The following ADAMTS20 variants were observed in gnomAD, a reference collection of about 807,000 sequenced individuals.
ADAMTS20 encodes ADAM metallopeptidase with thrombospondin type 1 motif 20.
A neutral mutation model predicts 260.1 loss-of-function variants in ADAMTS20; 225 were observed. The ratio of observed to expected loss-of-function variants is 0.87; its 90% CI spans 0.78 to 0.97. The LOEUF is 0.97. ADAMTS20 is among the 50% of genes least tolerant of loss of function. The pLI is 0.00. For missense variants in ADAMTS20, 2,400 were observed against 2,337.7 expected, an observed-to-expected ratio of 1.03 and a Z score of -0.55; for synonymous variants, 802 against 769.5, an observed-to-expected ratio of 1.04 and a Z score of -0.70.
At chr12:43,494,048 A>C (rs144954678) in intron 4 of ADAMTS20, among the ~76,000 whole-genome samples, 4 of 152,326 alleles carry the variant, frequency 2.6e-5, no homozygotes, top group Non-Finnish European at 4.4e-5. Flanking sequence ...TTGCCACTGC[A>C]GTAGGGGTGT....
chr12:43,535,886 G>A (rs1328273744), intron 2 of ADAMTS20, among the ~76,000 whole-genome samples: 1 of 152,010 alleles, frequency 6.6e-6, no homozygotes, highest in South Asian at 2.1e-4. Context: ...AGAAAGACTA[G>A]TGAAGGGAAA....
chr12:43,506,562 C>T (rs1432433799), intron 3 of ADAMTS20, among the ~76,000 whole-genome samples: 2 of 151,986 alleles, frequency 1.3e-5, no homozygotes, highest in Non-Finnish European at 2.9e-5. Flanking sequence ...TCACTGCAAC[C>T]TCCGCTTCTC....
downstream of ADAMTS20, among the ~76,000 whole-genome samples, chr12:43,353,648 A>G (rs1939681954): frequency 1.3e-5 from 2 of 152,206 alleles, no homozygotes; most frequent in East Asian, 1.9e-4. Context: ...TCCACAAGCA[A>G]AAATTAAAGA....
At chr12:43,549,594 T>C (rs1032598266) in intron 2 of ADAMTS20, among the ~76,000 whole-genome samples, 6 of 152,170 alleles carry the variant, frequency 3.9e-5, no homozygotes, top group South Asian at 2.1e-4. Flanking sequence ...GACAAATTTG[T>C]GGTAGCAAGT....
In ADAMTS20 at chr12:43,371,763, G is replaced by A. The variant is rs1995341; in HGVS notation, c.5447-2382C>T. Among the ~76,000 whole-genome samples the A allele has an allele frequency of 4.0e-3, 607 of 152,296 alleles. 26 individuals carry two copies. The East Asian group carries it at 0.096, about 24-fold the overall frequency. On this transcript the variant is annotated intron_variant, in intron 36 of 38. Coordinates refer to ENST00000389420, the MANE Select transcript of ADAMTS20 (RefSeq NM_025003.5). Reference sequence around the variant, plus strand: ...AGTGATCATGGGGCTCAGGGCAGCAGAAAACTGAGAGGGAATAGAGGTGGA... The same window carrying A: ...AGTGATCATGGGGCTCAGGGCAGCAAAAAACTGAGAGGGAATAGAGGTGGA...
intron 2 of ADAMTS20, among the ~76,000 whole-genome samples, chr12:43,541,292 C>T (rs1450523839): frequency 6.6e-6 from 1 of 152,112 alleles, no homozygotes; most frequent in African/African-American, 2.4e-5. Flanking sequence ...TACTCATAGA[C>T]TCTTATGTAA....
chr12:43,485,073 C>T (rs1261546171), intron 7 of ADAMTS20, among the ~76,000 whole-genome samples: 5 of 139,146 alleles, frequency 3.6e-5, no homozygotes, highest in Non-Finnish European at 7.6e-5. Flanking sequence ...TTCCCTGATA[C>T]CAGTCAAGAA....
chr12:43,427,106 G>A (rs1941347095), intron 27 of ADAMTS20, among the ~76,000 whole-genome samples: 1 of 152,114 alleles, frequency 6.6e-6, no homozygotes, highest in African/African-American at 2.4e-5. Context: ...CCAGGAGGTG[G>A]AGGTTGCAGT....
intron 3 of ADAMTS20, among the ~76,000 whole-genome samples, chr12:43,526,641 A>C (rs1001300369): frequency 6.6e-6 from 1 of 152,230 alleles, no homozygotes; most frequent in Non-Finnish European, 1.5e-5. Context: ...AAAATGAATG[A>C]TAATAGTGAC....
At chr12:43,408,920 C>T (rs1565684521) in intron 28 of ADAMTS20, among the ~76,000 whole-genome samples, 1 of 152,118 alleles carries the variant, frequency 6.6e-6, no homozygotes, top group East Asian at 1.9e-4. Context: ...ATAATAATAA[C>T]ACTTACATCT....
intron 2 of ADAMTS20, among the ~76,000 whole-genome samples, chr12:43,542,257 T>G (rs182283758): frequency 6.6e-6 from 1 of 152,188 alleles, no homozygotes; most frequent in East Asian, 1.9e-4. Context: ...ATGAGAAATT[T>G]AAAATAATAA....
At chr12:43,394,227 A>C (rs1339984946) in intron 29 of ADAMTS20, among the ~76,000 whole-genome samples, 1 of 152,106 alleles carries the variant, frequency 6.6e-6, no homozygotes, top group Non-Finnish European at 1.5e-5. Flanking sequence ...AGTTTAAATC[A>C]CTAATAAAAT....
Position 43,399,238 on chromosome 12 carries a change from A to G in ADAMTS20, c.4285-5T>C. ...TTTACCACAAGAAGCTGAGCACTAG[A>G]AAAGAAATATGAATGCACTTGATTC... On this transcript the variant is annotated splice_polypyrimidine_tract_variant and splice_region_variant and intron_variant, in intron 28 of 38. Coordinates refer to ENST00000389420, the MANE Select transcript of ADAMTS20 (RefSeq NM_025003.5). The G allele has an allele frequency of 6.7e-7, 1 of 1,500,286 alleles. No individual in the cohort carries two copies. Among genetic ancestry groups the G allele is most frequent in the Non-Finnish European group, 8.9e-7 (1 of 1,125,494 alleles). 92.9% of individuals were successfully genotyped at this position (1,500,286 alleles called of 1,614,324 possible).
chr12:43,383,526 CA>C, intron 31 of ADAMTS20, 31 bp downstream of exon 31: 1 of 1,564,786 alleles, frequency 6.4e-7, no homozygotes. Context: ...TATCAAGGAG[CA>C]AAAATTCTCA....
intron 29 of ADAMTS20, among the ~76,000 whole-genome samples, chr12:43,389,193 C>G (rs1159678056): frequency 1.3e-5 from 2 of 152,160 alleles, no homozygotes; most frequent in East Asian, 3.9e-4. Context: ...ACTCTCATCT[C>G]AGTATCATCT....
rs1271903176 is a variant in ADAMTS20, at chr12:43,430,507, T to C, written c.3262-36A>G. The C allele has an allele frequency of 4.4e-6, 7 of 1,578,834 alleles. No homozygotes were observed. In the Admixed American group the frequency reaches 1.2e-4, roughly 28 times the overall value. Reference sequence around the variant, plus strand: ...AATATAGATATTAAAAAAACATTGTTTCCCAAAAGTTACACAAACTTCTAT... The same window carrying C: ...AATATAGATATTAAAAAAACATTGTCTCCCAAAAGTTACACAAACTTCTAT... On this transcript the variant is annotated intron_variant, in intron 22 of 38. Coordinates refer to ENST00000389420, the MANE Select transcript of ADAMTS20 (RefSeq NM_025003.5).
intron 29 of ADAMTS20, among the ~76,000 whole-genome samples, chr12:43,387,043 G>T (rs1940494260): frequency 4.6e-5 from 7 of 152,210 alleles, no homozygotes; most frequent in Admixed American, 4.6e-4. Flanking sequence ...GCGAGGAGTT[G>T]TGATCCTCTG....
At chr12:43,475,586 T>C (rs1942338142) in intron 7 of ADAMTS20, among the ~76,000 whole-genome samples, 1 of 152,080 alleles carries the variant, frequency 6.6e-6, no homozygotes, top group African/African-American at 2.4e-5. Flanking sequence ...CTACCTGACT[T>C]CAAACCATAC....
Position 43,425,551 on chromosome 12 carries a change from G to A in ADAMTS20, c.4247C>T (p.Pro1416Leu). 2 of 1,581,480 alleles carry A rather than the reference G, an allele frequency of 1.3e-6. No homozygotes were observed. The highest frequency in any genetic ancestry group is 1.7e-6 in the Non-Finnish European group (2 of 1,160,198). Reference protein sequence around the residue: ...SVIQCHMHACPADVSWHQEPW... With the variant: ...SVIQCHMHACLADVSWHQEPW... The stretch of plus-strand genomic sequence containing the variant: ...TTCCTGATGCCATGACACATCAGCA[G>A]GGCAAGCATGCATATGACACTGTAT... Residue 1416 changes from proline to leucine, a missense_variant, in exon 28 of 39, where the codon CCT becomes CTT. By Grantham distance (98) the Pro-to-Leu change is moderately conservative. Transcript: ENST00000389420.
Sources: gnomAD v4.1 joint callset for allele counts (sites outside exome capture counted in the v4.1 genomes callset) on GRCh38, gnomAD v4.1.1 for gene constraint, MANE v1.5 for transcripts, NCBI Gene and HGNC (gene_info 2026-07-23, HGNC 2026-07-21) for gene names.